The following PTPRO variants were observed in gnomAD, a reference collection of about 807,000 sequenced individuals.
The protein encoded by PTPRO is protein tyrosine phosphatase receptor type O, also known as receptor-type tyrosine-protein phosphatase O.
A neutral mutation model predicts 145.2 loss-of-function variants in PTPRO; 62 were observed. That is an observed-to-expected ratio of 0.43 (90% CI 0.35 to 0.53). The LOEUF is 0.53. PTPRO is among the 20% of genes least tolerant of loss of function. The probability of loss-of-function intolerance (pLI) is 0.01; values close to 1 mark genes in which losing one functional copy is unlikely to be tolerated. For missense variants in PTPRO, 1,345 were observed against 1,482.7 expected, an observed-to-expected ratio of 0.91 and a Z score of 1.53; for synonymous variants, 565 against 514.7, an observed-to-expected ratio of 1.10 and a Z score of -1.32.
Position 15,598,261 on chromosome 12 carries a change from T to C in PTPRO, c.*2188T>C, listed in dbSNP as rs1944697413. Among the ~76,000 whole-genome samples, 1 of 152,222 alleles carries C rather than the reference T, an allele frequency of 6.6e-6. No homozygotes were observed. Among genetic ancestry groups the C allele is most frequent in the Non-Finnish European group, 1.5e-5 (1 of 68,040 alleles). On this transcript the variant is annotated 3_prime_UTR_variant, in exon 27 of 27. Coordinates refer to ENST00000281171, the MANE Select transcript of PTPRO (RefSeq NM_030667.3). ...AAAGGCATCAGTCTGTCAAAAGACT[T>C]GTTTAATCCTGATAATGACTTTGGA...
chr12:15,540,543 C>T (rs189539711), intron 12 of PTPRO, among the ~76,000 whole-genome samples: 3 of 152,350 alleles, frequency 2.0e-5, no homozygotes, highest in Admixed American at 6.5e-5. Flanking sequence ...AAACATCATT[C>T]TCTAGGCAGC....
rs531690084 is a variant in PTPRO, at chr12:15,461,768, G to A, written c.76-22206G>A. ...TTTTTAGCAGAGATGGGGTTTCACC[G>A]TGTTGGCCATGATGGTCTCGACCTC... On this transcript the variant is annotated intron_variant, in intron 1 of 26. Transcript: ENST00000281171. Among the ~76,000 whole-genome samples the A allele has an allele frequency of 9.7e-4, 147 of 151,768 alleles. 1 individual carries two copies. Among genetic ancestry groups the A allele is most frequent in the African/African-American group, 3.3e-3 (135 of 41,410 alleles).
chr12:15,344,908 T>G (rs1867143957), intron 1 of PTPRO, among the ~76,000 whole-genome samples: 2 of 152,196 alleles, frequency 1.3e-5, no homozygotes, highest in Non-Finnish European at 2.9e-5. Flanking sequence ...TTCCCAAGGT[T>G]GAAATGGGAT....
At chr12:15,534,875 C>G (rs1177619253) in intron 12 of PTPRO, among the ~76,000 whole-genome samples, 1 of 152,170 alleles carries the variant, frequency 6.6e-6, no homozygotes, top group Non-Finnish European at 1.5e-5. Context: ...TTTGTGCCAG[C>G]TTTAAAAATT....
intron 19 of PTPRO, among the ~76,000 whole-genome samples, 156 bp from the exon 20 acceptor site, chr12:15,578,697 A>G (rs1253699048): frequency 6.6e-6 from 1 of 152,220 alleles, no homozygotes; most frequent in Non-Finnish European, 1.5e-5. Flanking sequence ...CATTGGCCAA[A>G]GCAAGTTGAT....
intron 25 of PTPRO, among the ~76,000 whole-genome samples, chr12:15,589,821 G>A (rs1191157601): frequency 6.6e-6 from 1 of 152,218 alleles, no homozygotes; most frequent in Non-Finnish European, 1.5e-5. Context: ...AATTCAGAGT[G>A]CATGGGTAGA....
intron 1 of PTPRO, chr12:15,440,293 G>A: frequency 1.8e-6 from 1 of 563,828 alleles, no homozygotes; most frequent in Non-Finnish European, 3.1e-6. Context: ...ACCTCCGGAA[G>A]GAGACTGTAT....
At chr12:15,506,189 T>C (rs1942317342) in intron 6 of PTPRO, among the ~76,000 whole-genome samples, 1 of 152,234 alleles carries the variant, frequency 6.6e-6, no homozygotes. Context: ...GTGCCCCCAC[T>C]ACACTAGTAC....
chr12:15,403,694 C>A (rs1442383307), intron 1 of PTPRO, among the ~76,000 whole-genome samples: 1 of 152,120 alleles, frequency 6.6e-6, no homozygotes, highest in East Asian at 1.9e-4. Context: ...CATTTACTGC[C>A]CTACAATCAC....
intron 1 of PTPRO, among the ~76,000 whole-genome samples, chr12:15,444,903 C>T (rs191612511): frequency 1.3e-5 from 2 of 152,228 alleles, no homozygotes; most frequent in African/African-American, 2.4e-5. Context: ...TTCACACTGG[C>T]CTTATTCCAC....
intron 12 of PTPRO, among the ~76,000 whole-genome samples, chr12:15,529,636 C>G: frequency 6.6e-6 from 1 of 152,076 alleles, no homozygotes; most frequent in East Asian, 1.9e-4. Context: ...CATGACAGAG[C>G]AAGACCCCCA....
chr12:15,380,636 T>C (rs16910798), intron 1 of PTPRO, among the ~76,000 whole-genome samples: 8,381 of 152,284 alleles, frequency 0.055, 250 homozygotes, highest in Non-Finnish European at 0.068. Context: ...CACAGGGCTT[T>C]ATATCTCAAT....
chr12:15,421,440 A>C (rs1207137915), intron 1 of PTPRO, among the ~76,000 whole-genome samples: 1 of 152,166 alleles, frequency 6.6e-6, no homozygotes, highest in Non-Finnish European at 1.5e-5. Context: ...GGCTCACATA[A>C]CAAAATAAGA....
chr12:15,435,325 A>T lies in PTPRO; in HGVS notation c.76-48649A>T, dbSNP rs914932929. Among the ~76,000 whole-genome samples, 4 of 152,362 alleles carry T rather than the reference A, an allele frequency of 2.6e-5. No homozygotes were observed. The East Asian group carries it at 7.7e-4, about 29-fold the overall frequency. On this transcript the variant is annotated intron_variant, in intron 1 of 26. Coordinates refer to ENST00000281171, the MANE Select transcript of PTPRO (RefSeq NM_030667.3). ...TTCACAAAACACAATTTTCATATGT[A>T]TTGAAAACTAAAGCAAAGGAAAAGT...
intron 1 of PTPRO, among the ~76,000 whole-genome samples, chr12:15,356,533 T>C (rs1937994474): frequency 6.6e-6 from 1 of 152,218 alleles, no homozygotes; most frequent in Non-Finnish European, 1.5e-5. Context: ...TTGATACTTA[T>C]GACATAGTAT....
chr12:15,531,697 C>T (rs1009372623), intron 12 of PTPRO, among the ~76,000 whole-genome samples: 12 of 152,006 alleles, frequency 7.9e-5, no homozygotes, highest in Admixed American at 7.2e-4. Context: ...ACAGTATGAC[C>T]GAAAGAGTGG....
At chr12:15,582,710 T>C (rs1565445316) in intron 23 of PTPRO, among the ~76,000 whole-genome samples, 1 of 152,210 alleles carries the variant, frequency 6.6e-6, no homozygotes, top group African/African-American at 2.4e-5. Flanking sequence ...TTGGGTTTTG[T>C]TTTGTTTTTT....
intron 23 of PTPRO, among the ~76,000 whole-genome samples, chr12:15,584,024 C>G (rs552956624): frequency 1.3e-5 from 2 of 152,280 alleles, no homozygotes; most frequent in Admixed American, 1.3e-4. Flanking sequence ...AGTGTCACCC[C>G]CTTTGTGGCG....
At chr12:15,545,915 C>T (rs764925223) in intron 12 of PTPRO, among the ~76,000 whole-genome samples, 6 of 151,248 alleles carry the variant, frequency 4.0e-5, no homozygotes, top group South Asian at 2.1e-4. Context: ...ACTTGGGAGT[C>T]GAGGCAGGAG....
Sources: gnomAD v4.1 joint callset for allele counts (sites outside exome capture counted in the v4.1 genomes callset) on GRCh38, gnomAD v4.1.1 for gene constraint, MANE v1.5 for transcripts, NCBI Gene and HGNC (gene_info 2026-07-23, HGNC 2026-07-21) for gene names.